Variants in DNM3 observed in about 807,000 individuals in gnomAD.
The protein encoded by DNM3 is dynamin-3.
DNM3 carries 47 observed loss-of-function variants against 101.6 expected under a neutral mutation model. That is an observed-to-expected ratio of 0.46 (90% CI 0.37 to 0.59). The LOEUF (loss-of-function observed/expected upper bound fraction) is 0.59, where lower values mean the gene tolerates loss of function less well. Ranked by LOEUF, DNM3 falls within the 20% of genes least tolerant of loss-of-function variation. The probability of loss-of-function intolerance (pLI) is 0.00; values close to 1 mark genes in which losing one functional copy is unlikely to be tolerated. For synonymous variants in DNM3, 385 were observed against 387.9 expected (o/e 0.99, Z 0.09); for missense variants, 849 against 1,085.7 (o/e 0.78, Z 3.06).
At chr1:172,333,377 C>A (rs953992744) in intron 17 of DNM3, among the ~76,000 whole-genome samples, 2 of 152,112 alleles carry the variant, frequency 1.3e-5, no homozygotes, top group East Asian at 3.9e-4. Flanking sequence ...TATGCCTAGA[C>A]CCAGTTAGTA....
intron 15 of DNM3, among the ~76,000 whole-genome samples, chr1:172,307,695 TA>T (rs542750985): frequency 6.6e-6 from 1 of 152,080 alleles, no homozygotes. Context: ...TATGCAGCCA[TA>T]AAAAGGATGA....
intron 13 of DNM3, among the ~76,000 whole-genome samples, chr1:172,123,463 A>G (rs989259102): frequency 6.6e-6 from 1 of 152,166 alleles, no homozygotes; most frequent in Non-Finnish European, 1.5e-5. Context: ...CTGATCCATC[A>G]TAGGCATTCA....
intron 14 of DNM3, chr1:172,140,584 T>C (rs2057518268): frequency 1.3e-5 from 2 of 151,992 alleles, no homozygotes; most frequent in Non-Finnish European, 2.9e-5. Context: ...ATTAAAGGAA[T>C]GATGCATGCA....
chr1:172,044,084 T>G (rs1185904375), intron 8 of DNM3, among the ~76,000 whole-genome samples: 1 of 152,130 alleles, frequency 6.6e-6, no homozygotes, highest in Non-Finnish European at 1.5e-5. Flanking sequence ...AGCAAAAGAA[T>G]GAAGAATTAT....
intron 17 of DNM3, among the ~76,000 whole-genome samples, chr1:172,337,055 G>T (rs995298478): frequency 3.3e-5 from 5 of 152,158 alleles, no homozygotes; most frequent in Non-Finnish European, 5.9e-5. Context: ...TTTCATCTTT[G>T]TCAAAGTGCC....
At chr1:172,301,832 G>T (rs1232013729) in intron 15 of DNM3, among the ~76,000 whole-genome samples, 4 of 152,094 alleles carry the variant, frequency 2.6e-5, no homozygotes, top group African/African-American at 9.7e-5. Context: ...AATAGAGGGT[G>T]GGAGGGAGAG....
intron 20 of DNM3, 194 bp downstream of exon 20, chr1:172,389,003 A>G: frequency 1.7e-6 from 1 of 605,918 alleles, no homozygotes; most frequent in Non-Finnish European, 2.9e-6. Flanking sequence ...GATCATTGAA[A>G]TTTCTCATTT....
intron 14 of DNM3, among the ~76,000 whole-genome samples, chr1:172,235,908 A>G (rs2061524666): frequency 6.6e-6 from 1 of 152,138 alleles, no homozygotes; most frequent in Admixed American, 6.6e-5. Flanking sequence ...TGACGAGTTA[A>G]TGGGTGCAGC....
At chr1:172,301,305 C>A (rs1029531388) in intron 15 of DNM3, among the ~76,000 whole-genome samples, 1 of 151,936 alleles carries the variant, frequency 6.6e-6, no homozygotes, top group Admixed American at 6.6e-5. Context: ...AGTTCATGAC[C>A]AGCTTGGGCA....
intron 20 of DNM3, among the ~76,000 whole-genome samples, chr1:172,396,847 A>T (rs1361850724): frequency 6.6e-6 from 1 of 152,220 alleles, no homozygotes; most frequent in African/African-American, 2.4e-5. Context: ...ATCTAGAATG[A>T]GACCTCTTAT....
At chr1:172,078,650 T>C (rs980481396) in intron 11 of DNM3, among the ~76,000 whole-genome samples, 2 of 152,226 alleles carry the variant, frequency 1.3e-5, no homozygotes, top group African/African-American at 4.8e-5. Context: ...TATGTGTGAA[T>C]TTGATCCTGT....
At chr1:172,265,269 G>A (rs1039094153) in intron 15 of DNM3, among the ~76,000 whole-genome samples, 40 of 151,558 alleles carry the variant, frequency 2.6e-4, no homozygotes, top group Non-Finnish European at 3.4e-4. Context: ...AAAAGGCTTC[G>A]GTGTCCTGGT....
At chr1:171,873,442 G>A (rs182272290) in intron 1 of DNM3, among the ~76,000 whole-genome samples, 2 of 152,240 alleles carry the variant, frequency 1.3e-5, no homozygotes, top group Admixed American at 6.5e-5. Context: ...CTGTGCTTGA[G>A]GAACTCAGGT....
intron 1 of DNM3, among the ~76,000 whole-genome samples, chr1:171,855,281 A>G (rs1011535159): frequency 2.6e-5 from 4 of 152,184 alleles, no homozygotes; most frequent in African/African-American, 9.7e-5. Flanking sequence ...TCTGTCACTG[A>G]TGGGCATTTA....
At chr1:172,394,904 CA>C (rs1269461875) in intron 20 of DNM3, among the ~76,000 whole-genome samples, 3 of 152,164 alleles carry the variant, frequency 2.0e-5, no homozygotes, top group Admixed American at 6.5e-5. Context: ...CCAGTGTAAG[CA>C]GATACAGATT....
At position 171,928,097 on chromosome 1, in the gene DNM3, G is replaced by A. The variant is rs115211535; in HGVS notation, c.235+6276G>A. Among the ~76,000 whole-genome samples, 292 of 152,342 alleles carry A rather than the reference G, an allele frequency of 1.9e-3. 3 individuals carry two copies. Among genetic ancestry groups the A allele is most frequent in the African/African-American group, 6.8e-3 (284 of 41,586 alleles). ...GACTTCTTATCTCTGGCTTCAGGGTGGGGTATGTTAGTGAGGTATTTTTGG... is the reference window on the plus strand; with the variant it reads ...GACTTCTTATCTCTGGCTTCAGGGTAGGGTATGTTAGTGAGGTATTTTTGG... On this transcript the variant is annotated intron_variant, in intron 2 of 20. Coordinates refer to ENST00000627582, the MANE Select transcript of DNM3 (RefSeq NM_015569.5).
rs145904560 is a variant in DNM3, at chr1:171,918,703, G to T, written c.162-3045G>T. Among the ~76,000 whole-genome samples, 1,053 of 152,218 alleles carry T rather than the reference G, an allele frequency of 6.9e-3. 17 individuals are homozygous for T. The highest frequency in any genetic ancestry group is 0.024 in the African/African-American group (1,005 of 41,510). Reference sequence around the variant, plus strand: ...GTAACTGTGAGTTAATAAGAAGGGGGTTGGATACTGGAATCTATTTATTAC... The same window carrying T: ...GTAACTGTGAGTTAATAAGAAGGGGTTTGGATACTGGAATCTATTTATTAC... On this transcript the variant is annotated intron_variant, in intron 1 of 20. Coordinates refer to ENST00000627582, the MANE Select transcript of DNM3 (RefSeq NM_015569.5).
chr1:171,870,497 A>C (rs10913899), intron 1 of DNM3, among the ~76,000 whole-genome samples: 4,211 of 152,126 alleles, frequency 0.028, 191 homozygotes, highest in African/African-American at 0.09. Context: ...AACAAACAAA[A>C]AAAAACCCTC....
intron 14 of DNM3, among the ~76,000 whole-genome samples, chr1:172,248,065 G>C (rs2062028360): frequency 6.6e-6 from 1 of 151,954 alleles, no homozygotes; most frequent in Non-Finnish European, 1.5e-5. Context: ...TATCTCCTAG[G>C]AGCAGAATCT....
Sources: allele counts gnomAD v4.1 joint callset (sites outside exome capture counted in the v4.1 genomes callset), GRCh38; gene constraint gnomAD v4.1.1; transcripts MANE v1.5; gene names NCBI Gene and HGNC (gene_info 2026-07-23, HGNC 2026-07-21).